The following ADK variants were observed in gnomAD, a reference collection of about 807,000 sequenced individuals.
ADK encodes N6,N6-dimethyladenosine kinase.
A neutral mutation model predicts 44.7 loss-of-function variants in ADK; 24 were observed. That is an observed-to-expected ratio of 0.54 (90% CI 0.39 to 0.76). The LOEUF (loss-of-function observed/expected upper bound fraction) is 0.76, where lower values mean the gene tolerates loss of function less well. Among genes scored for constraint, ADK ranks in the 30% least tolerant of loss-of-function variants. ADK has a pLI of 0.00. For synonymous variants in ADK, 128 were observed against 142.6 expected, an observed-to-expected ratio of 0.90 and a Z score of 0.73; for missense variants, 321 against 425.1, an observed-to-expected ratio of 0.76 and a Z score of 2.15.
At chr10:74,403,943 C>T (rs1843809358) in intron 6 of ADK, among the ~76,000 whole-genome samples, 1 of 152,180 alleles carries the variant, frequency 6.6e-6, no homozygotes, top group Non-Finnish European at 1.5e-5. Context: ...ACAATCTCTG[C>T]CCACTGCAAC....
chr10:74,159,996 T>C (rs1161972402), intron 1 of ADK, among the ~76,000 whole-genome samples: 2 of 152,212 alleles, frequency 1.3e-5, no homozygotes, highest in African/African-American at 2.4e-5. Context: ...TGTAACAAGA[T>C]GGCAGTTCTC....
intron 5 of ADK, among the ~76,000 whole-genome samples, chr10:74,395,127 A>G (rs150228527): frequency 3.5e-4 from 54 of 152,236 alleles, no homozygotes; most frequent in Admixed American, 8.5e-4. Context: ...CTTTTTAAAT[A>G]GTGATTCACT....
intron 6 of ADK, among the ~76,000 whole-genome samples, chr10:74,439,716 T>C (rs1417970357): frequency 8.5e-5 from 13 of 152,152 alleles, no homozygotes; most frequent in Admixed American, 8.5e-4. Context: ...TAATATACGA[T>C]AAATCAAGCA....
chr10:74,452,085 C>G (rs926556752), intron 6 of ADK, among the ~76,000 whole-genome samples: 5 of 151,446 alleles, frequency 3.3e-5, no homozygotes, highest in African/African-American at 1.2e-4. Context: ...TAATGCATGA[C>G]TAGAAGAAAG....
At chr10:74,620,069 A>G (rs991840842) in intron 9 of ADK, among the ~76,000 whole-genome samples, 4 of 152,192 alleles carry the variant, frequency 2.6e-5, no homozygotes, top group Non-Finnish European at 5.9e-5. Context: ...AGAGCAGAGC[A>G]ATTAGCATAT....
At chr10:74,479,190 G>T (rs1051574132) in intron 6 of ADK, among the ~76,000 whole-genome samples, 8 of 151,154 alleles carry the variant, frequency 5.3e-5, no homozygotes, top group Admixed American at 5.3e-4. Flanking sequence ...GTAAAGACGT[G>T]GTTTCACCAG....
chr10:74,698,798 A>G (rs1450946609), intron 10 of ADK, among the ~76,000 whole-genome samples: 1 of 151,874 alleles, frequency 6.6e-6, no homozygotes, highest in Non-Finnish European at 1.5e-5. Flanking sequence ...GGCTCAAATG[A>G]TCTGGGTGCC....
intron 7 of ADK, among the ~76,000 whole-genome samples, chr10:74,568,360 A>C (rs909830569): frequency 6.6e-6 from 1 of 152,142 alleles, no homozygotes; most frequent in Admixed American, 6.5e-5. Flanking sequence ...AGTCAGCATC[A>C]ATGTTGAGAA....
intron 4 of ADK, among the ~76,000 whole-genome samples, chr10:74,329,530 A>G (rs1199623642): frequency 6.6e-6 from 1 of 152,234 alleles, no homozygotes; most frequent in African/African-American, 2.4e-5. Flanking sequence ...CAGAATTTTC[A>G]TTTAAAAATC....
At chr10:74,312,099 G>A (rs141257383) in intron 3 of ADK, among the ~76,000 whole-genome samples, 3,800 of 152,266 alleles carry the variant, frequency 0.025, 60 homozygotes, top group Non-Finnish European at 0.038. Context: ...CAGGGAGTCA[G>A]AGGCTGCAGT....
At chr10:74,692,343 G>A (rs944874098) in intron 10 of ADK, among the ~76,000 whole-genome samples, 1 of 152,280 alleles carries the variant, frequency 6.6e-6, no homozygotes, top group East Asian at 1.9e-4. Context: ...GCTGGGCATG[G>A]TGGCAGGCGC....
chr10:74,443,073 C>T (rs1183635945), intron 6 of ADK, among the ~76,000 whole-genome samples: 3 of 151,964 alleles, frequency 2.0e-5, no homozygotes, highest in African/African-American at 4.8e-5. Context: ...AGGATGAATA[C>T]GTTCTGGAGA....
intron 4 of ADK, among the ~76,000 whole-genome samples, chr10:74,352,304 G>A (rs1243177180): frequency 6.6e-6 from 1 of 152,114 alleles, no homozygotes; most frequent in Non-Finnish European, 1.5e-5. Context: ...TGACAAATCT[G>A]ACAAAAACAA....
intron 3 of ADK, among the ~76,000 whole-genome samples, chr10:74,294,828 A>G (rs1391372490): frequency 6.6e-6 from 1 of 151,980 alleles, no homozygotes; most frequent in Non-Finnish European, 1.5e-5. Flanking sequence ...CCAGTTTTCT[A>G]TTGGGTGTTT....
At chr10:74,162,579 G>C (rs1441818603) in intron 1 of ADK, among the ~76,000 whole-genome samples, 1 of 150,788 alleles carries the variant, frequency 6.6e-6, no homozygotes, top group Non-Finnish European at 1.5e-5. Flanking sequence ...GAGTCTCACT[G>C]TGTCGCCCAG....
Position 74,344,452 on chromosome 10 carries a change from G to T in ADK, c.273+29707G>T. Reference sequence around the variant, plus strand: ...CACTTGCCAAAAACTCATGACAGATGACTTAACAAGGTGGCACCTGCTTTC... The same window carrying T: ...CACTTGCCAAAAACTCATGACAGATTACTTAACAAGGTGGCACCTGCTTTC... On this transcript the variant is annotated intron_variant, in intron 4 of 10. Coordinates refer to ENST00000539909, the MANE Select transcript of ADK (RefSeq NM_006721.4). 2 of 173,564 alleles carry T rather than the reference G, an allele frequency of 1.2e-5. 1 individual carries two copies. The highest frequency in any genetic ancestry group is 2.9e-4 in the South Asian group (2 of 6,966). 10.8% of individuals were successfully genotyped at this position (173,564 alleles called of 1,614,324 possible). A position where few individuals can be genotyped will look rare whatever the true frequency, so the allele number is the denominator to read the frequency against.
chr10:74,689,655 C>T (rs572922133), intron 10 of ADK, among the ~76,000 whole-genome samples: 10 of 152,288 alleles, frequency 6.6e-5, no homozygotes, highest in Admixed American at 2.6e-4. Flanking sequence ...GCCATTCCTT[C>T]GTTTATAGGT....
intron 7 of ADK, chr10:74,527,574 G>A (rs1849104884): frequency 1.3e-6 from 1 of 757,686 alleles, no homozygotes. Context: ...CAAATTTGGA[G>A]GATAACGAGA....
intron 3 of ADK, among the ~76,000 whole-genome samples, chr10:74,257,684 A>C (rs1845878159): frequency 6.6e-6 from 1 of 152,196 alleles, no homozygotes; most frequent in African/African-American, 2.4e-5. Context: ...TATACAAGCC[A>C]ATATATGCTT....
Sources: gnomAD v4.1 joint callset for allele counts (sites outside exome capture counted in the v4.1 genomes callset) on GRCh38, gnomAD v4.1.1 for gene constraint, MANE v1.5 for transcripts, NCBI Gene and HGNC (gene_info 2026-07-23, HGNC 2026-07-21) for gene names.